Variants in TBC1D12 observed in about 807,000 individuals in gnomAD.
TBC1D12 encodes the protein TBC1 domain family, member 12.
In TBC1D12, 56 loss-of-function variants were observed where a neutral mutation model predicts 86.7. The ratio of observed to expected loss-of-function variants is 0.65; its 90% CI spans 0.52 to 0.81. TBC1D12 has a LOEUF of 0.81. Among genes scored for constraint, TBC1D12 ranks in the 30% least tolerant of loss-of-function variants. The pLI is 0.00. For synonymous variants in TBC1D12, 421 were observed against 411.7 expected (o/e 1.02, Z -0.27); for missense variants, 1,023 against 1,038.8 (o/e 0.98, Z 0.21).
At chr10:94,445,659 A>G (rs1190604227) in intron 2 of TBC1D12, among the ~76,000 whole-genome samples, 2 of 152,084 alleles carry the variant, frequency 1.3e-5, no homozygotes, top group Admixed American at 6.5e-5. Flanking sequence ...TCTTCAAAAT[A>G]TGTATCAGCT....
At chr10:94,522,265 C>A in intron 10 of TBC1D12, 79 bp from the exon 11 acceptor site, 1 of 1,067,362 alleles carries the variant, frequency 9.4e-7, no homozygotes, top group Non-Finnish European at 1.3e-6. Flanking sequence ...AGCACGATTT[C>A]CTGTTAGTGT....
intron 3 of TBC1D12, among the ~76,000 whole-genome samples, chr10:94,482,594 G>T (rs2056093569): frequency 6.6e-6 from 1 of 151,920 alleles, no homozygotes; most frequent in South Asian, 2.1e-4. Context: ...GGGATTATAG[G>T]CATGCACCAC....
chr10:94,530,127 C>G (rs1047117099), intron 11 of TBC1D12, among the ~76,000 whole-genome samples: 6 of 151,950 alleles, frequency 3.9e-5, no homozygotes, highest in Admixed American at 2.6e-4. Context: ...TTCCTCAAAC[C>G]CCATCAGCAC....
At chr10:94,524,728 TAAA>T (rs766662285) in intron 11 of TBC1D12, among the ~76,000 whole-genome samples, 7 of 130,786 alleles carry the variant, frequency 5.4e-5, no homozygotes, top group Admixed American at 7.8e-5. Flanking sequence ...GAGACTCCAT[TAAA>T]AAAAAAAAAA....
intron 2 of TBC1D12, among the ~76,000 whole-genome samples, chr10:94,461,898 T>C (rs2055735191): frequency 6.6e-6 from 1 of 152,202 alleles, no homozygotes; most frequent in African/African-American, 2.4e-5. Flanking sequence ...TAGGATGCAG[T>C]GGCAACTTCT....
At chr10:94,467,655 CT>C (rs34441108) in intron 2 of TBC1D12, among the ~76,000 whole-genome samples, 2 of 151,792 alleles carry the variant, frequency 1.3e-5, no homozygotes, top group African/African-American at 4.8e-5. Context: ...CACTCCCCCT[CT>C]TTTTTTTAAA....
intron 1 of TBC1D12, 95 bp downstream of exon 1, chr10:94,403,679 C>CCGGAGT: frequency 7.2e-7 from 1 of 1,379,596 alleles, no homozygotes; most frequent in Non-Finnish European, 9.3e-7. Flanking sequence ...GGAGCCGGAG[C>CCGGAGT]GGAGAGCTTG....
chr10:94,466,216 T>G (rs2055822229), intron 2 of TBC1D12, among the ~76,000 whole-genome samples: 1 of 152,092 alleles, frequency 6.6e-6, no homozygotes, highest in African/African-American at 2.4e-5. Context: ...TGTAAACTCC[T>G]TATTTACATT....
At chr10:94,512,125 C>T (rs149367145) in intron 9 of TBC1D12, among the ~76,000 whole-genome samples, 304 of 152,272 alleles carry the variant, frequency 2.0e-3, no homozygotes, top group South Asian at 5.0e-3. Context: ...AGCTTCTGAG[C>T]CTTCAGGGTT....
At chr10:94,531,789 G>GTTATTTTATTTTATT (rs1229483248) in intron 12 of TBC1D12, among the ~76,000 whole-genome samples, 1 of 115,302 alleles carries the variant, frequency 8.7e-6, no homozygotes, top group African/African-American at 3.1e-5. Flanking sequence ...TTTATTTTAT[G>GTTATTTTATTTTATT]TTATTTTATT....
At chr10:94,511,750 A>T in intron 9 of TBC1D12, 96 bp downstream of exon 9, 1 of 846,082 alleles carries the variant, frequency 1.2e-6, no homozygotes, top group Non-Finnish European at 1.9e-6. Flanking sequence ...AAATGTCTGT[A>T]TTTCTATGTC....
chr10:94,480,898 A>C (rs966809896), intron 3 of TBC1D12, among the ~76,000 whole-genome samples: 1 of 151,800 alleles, frequency 6.6e-6, no homozygotes, highest in African/African-American at 2.4e-5. Flanking sequence ...AAGACTTGAA[A>C]GTCAAAATTA....
chr10:94,500,226 G>C lies in TBC1D12; in HGVS notation c.1418G>C (p.Ser473Thr). The C allele has an allele frequency of 6.2e-7, 1 of 1,613,588 alleles. No homozygotes were observed. The highest frequency in any genetic ancestry group is 8.5e-7 in the Non-Finnish European group (1 of 1,179,798). ...EILPNWEVMR[S>T]TRRVRELWWQ... ...TTCTCCTCCTTTAATTCTAGGCGTAGTACAAGAAGAGTTCGAGAATTGTGG... is the reference window on the plus strand; with the variant it reads ...TTCTCCTCCTTTAATTCTAGGCGTACTACAAGAAGAGTTCGAGAATTGTGG... Residue 473 changes from serine to threonine, a missense_variant, in exon 6 of 13, where the codon AGT becomes ACT. By Grantham distance (58) the Ser-to-Thr change is moderately conservative. Around this residue, in one of 2 missense-constraint regions of TBC1D12, gnomAD observed 395 missense variants for 507.7 expected, o/e 0.78. Transcript: ENST00000225235.
chr10:94,426,809 C>G (rs1237737824), intron 1 of TBC1D12, among the ~76,000 whole-genome samples: 1 of 152,146 alleles, frequency 6.6e-6, no homozygotes, highest in Non-Finnish European at 1.5e-5. Flanking sequence ...AACTCCTGAC[C>G]TCTTGATCCA....
At chr10:94,486,359 C>T (rs2056163506) in intron 3 of TBC1D12, among the ~76,000 whole-genome samples, 1 of 151,656 alleles carries the variant, frequency 6.6e-6, no homozygotes, top group Non-Finnish European at 1.5e-5. Context: ...TTGGTTTGCT[C>T]TAGCTTTTTT....
At position 94,439,913 on chromosome 10, in the gene TBC1D12, A is replaced by G. The variant is rs181590883; in HGVS notation, c.972-1983A>G. Among the ~76,000 whole-genome samples the G allele has an allele frequency of 3.3e-5, 5 of 152,374 alleles. No homozygotes were observed. The East Asian group carries it at 9.6e-4, about 29-fold the overall frequency. On this transcript the variant is annotated intron_variant, in intron 1 of 12. Coordinates refer to ENST00000225235, the MANE Select transcript of TBC1D12 (RefSeq NM_015188.2). ...AGTGTTTTCTTGATAAGTGGTACAC[A>G]ACGTATCAAACATTGTTTAAATTAA... is the stretch of plus-strand genomic sequence containing the variant.
At chr10:94,446,130 C>T (rs998507212) in intron 2 of TBC1D12, among the ~76,000 whole-genome samples, 3 of 152,034 alleles carry the variant, frequency 2.0e-5, no homozygotes, top group African/African-American at 7.2e-5. Flanking sequence ...GGTAAATTTA[C>T]AATTTTATGT....
Position 94,503,913 on chromosome 10 carries a change from C to T in TBC1D12, c.1520-3354C>T, listed in dbSNP as rs369900290. ...GTGCTGGGCTTACAGGCATGAGCCA[C>T]TGTGCCCAGCCAACATGTTATTTTC... is the stretch of plus-strand genomic sequence containing the variant. On this transcript the variant is annotated intron_variant, in intron 6 of 12. Coordinates refer to ENST00000225235, the MANE Select transcript of TBC1D12 (RefSeq NM_015188.2). Among the ~76,000 whole-genome samples the T allele has an allele frequency of 4.6e-5, 7 of 152,346 alleles. No individual in the cohort carries two copies. The East Asian group carries it at 1.3e-3, about 29-fold the overall frequency.
chr10:94,407,011 C>A (rs751379046), intron 1 of TBC1D12, among the ~76,000 whole-genome samples: 6 of 151,890 alleles, frequency 4.0e-5, no homozygotes, highest in Non-Finnish European at 8.8e-5. Flanking sequence ...CCACTTCGTT[C>A]TTCTCTTTCC....
Sources: allele counts gnomAD v4.1 joint callset (sites outside exome capture counted in the v4.1 genomes callset), GRCh38; gene constraint gnomAD v4.1.1; regional missense constraint gnomAD v4.1.1; transcripts MANE v1.5; gene names NCBI Gene and HGNC (gene_info 2026-07-23, HGNC 2026-07-21).